Variants in FARP1 observed in about 807,000 individuals in gnomAD.
FARP1 encodes FERM, ARHGEF and pleckstrin domain-containing protein 1.
In FARP1, 52 loss-of-function variants were observed where a neutral mutation model predicts 128.8. The ratio of observed to expected loss-of-function variants is 0.40; its 90% CI spans 0.32 to 0.51. The LOEUF is 0.51. Among genes scored for constraint, FARP1 ranks in the 20% least tolerant of loss-of-function variants. The probability of loss-of-function intolerance (pLI) is 0.45; values close to 1 mark genes in which losing one functional copy is unlikely to be tolerated. For synonymous variants in FARP1, 580 were observed against 551.8 expected (o/e 1.05, Z -0.72); for missense variants, 1,333 against 1,367.9 (o/e 0.97, Z 0.40).
chr13:98,384,508 G>A (rs560726509), intron 6 of FARP1: 1 of 567,410 alleles, frequency 1.8e-6, no homozygotes, highest in South Asian at 2.3e-5. Flanking sequence ...GCTTCTTTCT[G>A]ACTGATAGAG....
intron 1 of FARP1, among the ~76,000 whole-genome samples, chr13:98,201,653 C>G (rs540753058): frequency 6.0e-4 from 91 of 152,116 alleles, no homozygotes; most frequent in Non-Finnish European, 1.1e-3. Context: ...TAGAACTGGA[C>G]ATTTGAAATA....
intron 3 of FARP1, among the ~76,000 whole-genome samples, chr13:98,356,950 T>A (rs1208777230): frequency 6.6e-6 from 1 of 152,136 alleles, no homozygotes; most frequent in Non-Finnish European, 1.5e-5. Context: ...TACCCTTTTT[T>A]AAATCCCCAG....
intron 2 of FARP1, among the ~76,000 whole-genome samples, chr13:98,285,489 G>A (rs1594359128): frequency 6.6e-6 from 1 of 152,162 alleles, no homozygotes; most frequent in Non-Finnish European, 1.5e-5. Flanking sequence ...AGAAAGCCAG[G>A]TGCCTGCTAG....
At chr13:98,396,055 G>A (rs1226128269) in intron 13 of FARP1, 8 of 398,992 alleles carry the variant, frequency 2.0e-5, no homozygotes, top group Non-Finnish European at 2.7e-5. Context: ...GAATCTTCCT[G>A]GTAGATGTAA....
intron 2 of FARP1, among the ~76,000 whole-genome samples, chr13:98,308,532 C>G (rs377236762): frequency 2.0e-5 from 3 of 152,184 alleles, no homozygotes; most frequent in African/African-American, 7.2e-5. Context: ...TGGACGGCAC[C>G]TGAGACATGG....
At position 98,359,581 on chromosome 13, in the gene FARP1, T is replaced by G. The variant is rs183344068; in HGVS notation, c.277-5814T>G. On this transcript the variant is annotated intron_variant, in intron 3 of 26. Coordinates refer to ENST00000319562, the MANE Select transcript of FARP1 (RefSeq NM_005766.4). ...ACAGCCACAGGCCACATACTGACCT[T>G]GTGGATGACAGACTGCGTGTACGAT... Among the ~76,000 whole-genome samples, 19 of 152,316 alleles carry G rather than the reference T, an allele frequency of 1.2e-4. 1 individual carries two copies. The highest frequency in any genetic ancestry group is 7.8e-4 in the Admixed American group (12 of 15,304).
At chr13:98,384,698 C>T (rs763622318) in intron 6 of FARP1, 32 bp from the exon 7 acceptor site, 15 of 1,340,160 alleles carry the variant, frequency 1.1e-5, no homozygotes, top group East Asian at 6.9e-5. Context: ...GTCATTCCTA[C>T]GTGACCTGTT....
At chr13:98,229,886 G>A (rs182950411) in intron 2 of FARP1, among the ~76,000 whole-genome samples, 1 of 152,174 alleles carries the variant, frequency 6.6e-6, no homozygotes, top group Admixed American at 6.5e-5. Flanking sequence ...TGTATTGGCT[G>A]TTATGGGTTA....
chr13:98,380,245 G>A (rs1185559635), intron 6 of FARP1, among the ~76,000 whole-genome samples: 1 of 151,966 alleles, frequency 6.6e-6, no homozygotes, highest in Non-Finnish European at 1.5e-5. Flanking sequence ...TCAGGAGTTC[G>A]TGACCAGCCT....
intron 2 of FARP1, among the ~76,000 whole-genome samples, chr13:98,271,390 CAT>C (rs898486271): frequency 6.6e-6 from 1 of 152,188 alleles, no homozygotes; most frequent in East Asian, 1.9e-4. Flanking sequence ...GACAAGTATA[CAT>C]ATATATATTT....
intron 2 of FARP1, among the ~76,000 whole-genome samples, chr13:98,224,486 C>T (rs534579065): frequency 1.2e-4 from 16 of 138,414 alleles, no homozygotes; most frequent in African/African-American, 4.4e-4. Context: ...AAGATCGTGC[C>T]ACTGCACTCC....
At chr13:98,232,784 T>C (rs936885192) in intron 2 of FARP1, among the ~76,000 whole-genome samples, 3 of 152,228 alleles carry the variant, frequency 2.0e-5, no homozygotes, top group South Asian at 2.1e-4. Context: ...TGCCTAGATA[T>C]CTGTTCTGAG....
At chr13:98,318,223 T>C (rs1230553827) in intron 2 of FARP1, among the ~76,000 whole-genome samples, 3 of 138,340 alleles carry the variant, frequency 2.2e-5, no homozygotes, top group Non-Finnish European at 4.9e-5. Flanking sequence ...ACCTGGCTAA[T>C]TTTTGTATTT....
chr13:98,215,797 CTT>C (rs112489424), intron 2 of FARP1, among the ~76,000 whole-genome samples: 25 of 145,724 alleles, frequency 1.7e-4, no homozygotes, highest in African/African-American at 6.0e-4. Context: ...TTCTTTTTCT[CTT>C]TTTTTTTTTT....
intron 15 of FARP1, 147 bp from the exon 16 acceptor site, chr13:98,411,754 C>A: frequency 2.6e-6 from 2 of 776,250 alleles, no homozygotes; most frequent in African/African-American, 1.7e-5. Flanking sequence ...AAGGCCCGGG[C>A]AGCCCCGTGT....
At chr13:98,208,477 C>CA (rs60575077) in intron 1 of FARP1, 91,608 of 131,454 alleles carry the variant, frequency 0.7, 31,348 homozygotes, top group East Asian at 0.97. Context: ...GACTCCATCT[C>CA]AAAAAAAAAA....
At chr13:98,300,346 C>T (rs9300473) in intron 2 of FARP1, among the ~76,000 whole-genome samples, 65,724 of 151,888 alleles carry the variant, frequency 0.43, 14,504 homozygotes, top group East Asian at 0.61. Flanking sequence ...GCACGGACCC[C>T]GTGTCTCTCT....
chr13:98,430,522 C>T (rs936120526), intron 17 of FARP1, among the ~76,000 whole-genome samples: 2 of 152,192 alleles, frequency 1.3e-5, no homozygotes, highest in African/African-American at 4.8e-5. Context: ...AGAGTCAGGG[C>T]GCTGTCTGAC....
intron 2 of FARP1, among the ~76,000 whole-genome samples, chr13:98,278,400 TGTGA>T (rs1364015173): frequency 6.6e-6 from 1 of 152,068 alleles, no homozygotes; most frequent in African/African-American, 2.4e-5. Flanking sequence ...TGCATATGTG[TGTGA>T]GTGTGCTTGT....
Sources: allele counts gnomAD v4.1 joint callset (sites outside exome capture counted in the v4.1 genomes callset), GRCh38; gene constraint gnomAD v4.1.1; transcripts MANE v1.5; gene names NCBI Gene and HGNC (gene_info 2026-07-23, HGNC 2026-07-21).